The following NAV1 variants were observed in gnomAD, a reference collection of about 807,000 sequenced individuals.
The protein encoded by NAV1 is pore membrane and/or filament interacting like protein 3.
A neutral mutation model predicts 175.2 loss-of-function variants in NAV1; 18 were observed. That is an observed-to-expected ratio of 0.10 (90% CI 0.07 to 0.15). NAV1 has a LOEUF of 0.15. Among genes scored for constraint, NAV1 ranks in the 10% least tolerant of loss-of-function variants. NAV1 has a pLI of 1.00. For missense variants in NAV1, 1,731 were observed against 2,436.6 expected, an observed-to-expected ratio of 0.71 and a Z score of 6.10; for synonymous variants, 897 against 978.7, an observed-to-expected ratio of 0.92 and a Z score of 1.56.
intron 1 of NAV1, among the ~76,000 whole-genome samples, chr1:201,583,556 T>C (rs1032861971): frequency 7.2e-5 from 11 of 152,216 alleles, no homozygotes; most frequent in African/African-American, 2.7e-4. Context: ...TAGGAATGGC[T>C]CTGGGACAGA....
intron 3 of NAV1, among the ~76,000 whole-genome samples, chr1:201,756,804 CTTT>C (rs2102616784): frequency 3.2e-5 from 1 of 30,826 alleles, no homozygotes; most frequent in African/African-American, 1.4e-4. Context: ...CTCTTTCTTT[CTTT>C]CCTTCTTTCT....
At chr1:201,568,555 G>C (rs1666432653) in intron 1 of NAV1, among the ~76,000 whole-genome samples, 2 of 152,148 alleles carry the variant, frequency 1.3e-5, no homozygotes, top group African/African-American at 2.4e-5. Context: ...TGGCTGCCTA[G>C]TGCCCCCAGG....
chr1:201,582,671 C>G (rs1666901522), intron 1 of NAV1, among the ~76,000 whole-genome samples: 1 of 152,228 alleles, frequency 6.6e-6, no homozygotes, highest in Admixed American at 6.5e-5. Flanking sequence ...GGAAATCCAA[C>G]AAGGGAGCAT....
At chr1:201,569,371 T>G (rs1408396492) in intron 1 of NAV1, among the ~76,000 whole-genome samples, 1 of 152,206 alleles carries the variant, frequency 6.6e-6, no homozygotes, top group Non-Finnish European at 1.5e-5. Flanking sequence ...GATTTATGAA[T>G]GATTTTAATG....
rs1558119432 is a variant in NAV1 at position 201,744,309 on chromosome 1, TATG to T, written c.1226+25555_1226+25557del. Among the ~76,000 whole-genome samples the T allele has an allele frequency of 7.9e-3, 1,041 of 132,270 alleles. 23 individuals are homozygous for T. The highest frequency in any genetic ancestry group is 0.03 in the African/African-American group (982 of 32,704). 86.8% of individuals were successfully genotyped at this position (132,270 alleles called of 152,430 possible). Reference sequence around the variant, plus strand: ...CCTAAGGAGCTGACGGCTATGTATGTATGTATGTATTTATTTATTTATTTATTT... The same window carrying T: ...CCTAAGGAGCTGACGGCTATGTATGTTATGTATTTATTTATTTATTTATTT... On this transcript the variant is annotated intron_variant, in intron 3 of 29. Transcript: ENST00000367296.
intron 2 of NAV1, among the ~76,000 whole-genome samples, chr1:201,609,581 A>G (rs1667788677): frequency 6.6e-6 from 1 of 152,186 alleles, no homozygotes; most frequent in South Asian, 2.1e-4. Context: ...AAATACTGGA[A>G]GTTTTAAGAT....
At chr1:201,643,104 TTTC>T (rs1668856819) in intron 2 of NAV1, among the ~76,000 whole-genome samples, 2 of 148,466 alleles carry the variant, frequency 1.3e-5, no homozygotes. Context: ...TTTCTCTTTC[TTTC>T]TTTCTTTCTT....
At chr1:201,623,760 C>A in intron 1 of NAV1, 154 bp downstream of exon 3, 1 of 716,432 alleles carries the variant, frequency 1.4e-6, no homozygotes, top group Non-Finnish European at 1.7e-6. Flanking sequence ...TGGAGGCCTA[C>A]AGAGTTGGGG....
intron 1 of NAV1, among the ~76,000 whole-genome samples, chr1:201,570,409 C>T (rs1456142995): frequency 6.6e-6 from 1 of 152,204 alleles, no homozygotes; most frequent in Non-Finnish European, 1.5e-5. Flanking sequence ...CCCTGCAGGC[C>T]CAGCCAATGA....
intron 3 of NAV1, among the ~76,000 whole-genome samples, chr1:201,747,907 T>C (rs1673872246): frequency 6.6e-6 from 1 of 152,210 alleles, no homozygotes; most frequent in African/African-American, 2.4e-5. Context: ...AGTGCTTATC[T>C]TGGGATCCTT....
Position 201,576,373 on chromosome 1 carries a change from T to TA in NAV1, c.-143-12165dup, listed in dbSNP as rs769437656. ...TCTGTTGCTGAGTAATATTCTATGA[T>TA]ATGGATGTACCATAGTTTGTTTAAT... is the stretch of plus-strand genomic sequence containing the variant. On this transcript the variant is annotated intron_variant, in intron 1 of 33. Coordinates refer to the NAV1 transcript ENST00000685211. 1.2e-3 allele frequency among the ~76,000 whole-genome samples: 179 copies of TA among 152,360 alleles called. 1 individual carries two copies. Among genetic ancestry groups the TA allele is most frequent in the Non-Finnish European group, 2.0e-3 (139 of 68,034 alleles).
At chr1:201,767,542 A>C (rs557829957) in intron 3 of NAV1, among the ~76,000 whole-genome samples, 1 of 152,348 alleles carries the variant, frequency 6.6e-6, no homozygotes, top group East Asian at 1.9e-4. Flanking sequence ...TATTATTTTA[A>C]TATGTAATTA....
rs556278587 is a variant in NAV1 at position 201,709,926 on chromosome 1, T to G, written c.758-2891T>G. ...CAGAGACACAGCAGGATTAAGTGAC[T>G]TTCAAGGACTCTTGTGGTTTGGCGA... On this transcript the variant is annotated intron_variant, in intron 1 of 29. Transcript: ENST00000367296. Among the ~76,000 whole-genome samples, 30 of 152,204 alleles carry G rather than the reference T, an allele frequency of 2.0e-4. No homozygotes were observed. The South Asian group carries it at 5.6e-3, about 28-fold the overall frequency.
upstream of NAV1, among the ~76,000 whole-genome samples, chr1:201,645,419 G>A: frequency 9.6e-6 from 1 of 104,562 alleles, no homozygotes; most frequent in African/African-American, 3.7e-5. Context: ...GGGGAGGGGG[G>A]AGGGATAGCA....
At chr1:201,818,636 A>C (rs1378154041) in intron 29 of NAV1, among the ~76,000 whole-genome samples, 1 of 152,212 alleles carries the variant, frequency 6.6e-6, no homozygotes, top group Non-Finnish European at 1.5e-5. Context: ...GGAAATGCAA[A>C]TTAAAACAAG....
chr1:201,624,867 A>G (rs965654868), intron 1 of NAV1, among the ~76,000 whole-genome samples: 4 of 152,108 alleles, frequency 2.6e-5, no homozygotes, highest in Non-Finnish European at 4.4e-5. Context: ...ATCATCCCTT[A>G]CACACCAGGG....
intron 1 of NAV1, among the ~76,000 whole-genome samples, chr1:201,701,140 T>C (rs1671406352): frequency 6.6e-6 from 1 of 151,246 alleles, no homozygotes; most frequent in African/African-American, 2.4e-5. Flanking sequence ...GAAACCATCA[T>C]TCTGAGCAAA....
intron 2 of NAV1, among the ~76,000 whole-genome samples, chr1:201,604,445 G>A (rs1229484689): frequency 2.6e-5 from 4 of 152,194 alleles, no homozygotes; most frequent in African/African-American, 4.8e-5. Context: ...TTGGGAGGCC[G>A]AGGTGGATAG....
At chr1:201,647,159 G>C (rs1669003670), upstream of NAV1, among the ~76,000 whole-genome samples, 2 of 152,202 alleles carry the variant, frequency 1.3e-5, no homozygotes, top group South Asian at 4.1e-4. Flanking sequence ...AGAGCCTTTT[G>C]CTCAGGCAAC....
Sources: gnomAD v4.1 joint callset for allele counts (sites outside exome capture counted in the v4.1 genomes callset) on GRCh38, gnomAD v4.1.1 for gene constraint, MANE v1.5 for transcripts, NCBI Gene and HGNC (gene_info 2026-07-23, HGNC 2026-07-21) for gene names.